The following CCDC39 variants were observed in gnomAD, a reference collection of about 807,000 sequenced individuals.
CCDC39 encodes coiled-coil domain-containing protein 39.
Under a neutral mutation model 121.0 loss-of-function variants are expected in CCDC39, and 113 were observed. The ratio of observed to expected loss-of-function variants is 0.93; its 90% CI spans 0.80 to 1.09. CCDC39 has a LOEUF of 1.09. Among genes scored for constraint, CCDC39 ranks in the 50% least tolerant of loss-of-function variants. CCDC39 has a pLI of 0.00. For missense variants in CCDC39, 1,063 were observed against 1,074.7 expected (o/e 0.99, Z 0.15); for synonymous variants, 349 against 352.2 (o/e 0.99, Z 0.10).
intron 13 of CCDC39, 119 bp downstream of exon 13, chr3:180,641,874 G>T: frequency 1.6e-6 from 1 of 612,274 alleles, no homozygotes; most frequent in Non-Finnish European, 2.7e-6. Context: ...TTTCTTATAT[G>T]AAAAGCCATT....
intron 13 of CCDC39, among the ~76,000 whole-genome samples, chr3:180,634,350 A>G (rs1560084696): frequency 6.6e-6 from 1 of 152,142 alleles, no homozygotes; most frequent in Admixed American, 6.5e-5. Flanking sequence ...ACCCAAGGAG[A>G]GGAAGCCAGT....
intron 1 of CCDC39, among the ~76,000 whole-genome samples, chr3:180,676,794 T>C (rs1193999051): frequency 1.3e-5 from 2 of 152,118 alleles, no homozygotes; most frequent in Admixed American, 6.5e-5. Context: ...ATATACACCA[T>C]GGAATACTAT....
At chr3:180,637,006 G>A (rs1411508776) in intron 13 of CCDC39, among the ~76,000 whole-genome samples, 1 of 152,108 alleles carries the variant, frequency 6.6e-6, no homozygotes, top group Non-Finnish European at 1.5e-5. Context: ...TATTATTCTG[G>A]ACAGAGGAAA....
intron 13 of CCDC39, among the ~76,000 whole-genome samples, chr3:180,641,461 T>C (rs1717953382): frequency 6.6e-6 from 1 of 152,056 alleles, no homozygotes; most frequent in South Asian, 2.1e-4. Flanking sequence ...GAAATAAAAC[T>C]GTTATTATTT....
chr3:180,667,843 T>C (rs931685342), intron 1 of CCDC39, among the ~76,000 whole-genome samples: 2 of 152,148 alleles, frequency 1.3e-5, no homozygotes, highest in African/African-American at 4.8e-5. Flanking sequence ...AAGGAAATGT[T>C]CTTGAAGAAA....
intron 19 of CCDC39, among the ~76,000 whole-genome samples, chr3:180,615,966 G>A (rs1257198924): frequency 1.3e-5 from 2 of 152,126 alleles, no homozygotes; most frequent in Non-Finnish European, 2.9e-5. Flanking sequence ...CAACTTGGGG[G>A]TTCACCCCCA....
chr3:180,620,746 A>G (rs1240782067), intron 14 of CCDC39, among the ~76,000 whole-genome samples: 1 of 152,106 alleles, frequency 6.6e-6, no homozygotes, highest in African/African-American at 2.4e-5. Context: ...AATGTAGTCA[A>G]TTAGAAATAT....
chr3:180,629,630 T>A (rs78650919), intron 14 of CCDC39, among the ~76,000 whole-genome samples: 11,705 of 152,222 alleles, frequency 0.077, 694 homozygotes, highest in African/African-American at 0.17. Flanking sequence ...AGTTATTATT[T>A]AAGTTTCATT....
chr3:180,677,193 TATATATATATATATATATATA>T, intron 1 of CCDC39, among the ~76,000 whole-genome samples: 1 of 102,864 alleles, frequency 9.7e-6, no homozygotes, highest in African/African-American at 3.5e-5. Context: ...TATATATATA[TATATATATATATATATATATA>T]TAAAATCACA....
At chr3:180,660,793 T>C in intron 3 of CCDC39, 65 bp from the exon 4 acceptor site, 2 of 1,448,812 alleles carry the variant, frequency 1.4e-6, no homozygotes, top group Non-Finnish European at 1.9e-6. Context: ...CAGACTAAAA[T>C]AAAACATACC....
At chr3:180,634,515 G>A (rs1717780317) in intron 13 of CCDC39, among the ~76,000 whole-genome samples, 1 of 152,056 alleles carries the variant, frequency 6.6e-6, no homozygotes, top group African/African-American at 2.4e-5. Context: ...GGAGACAAAA[G>A]ACCCTCAGCC....
rs948982314 is a variant in CCDC39, at chr3:180,675,396, G to A, written c.90+3895C>T. 8.6e-5 allele frequency among the ~76,000 whole-genome samples: 13 copies of A among 151,970 alleles called. No individual in the cohort carries two copies. In the South Asian group the frequency reaches 1.5e-3, roughly 17 times the overall value. On this transcript the variant is annotated intron_variant, in intron 1 of 19. Transcript: ENST00000476379. The stretch of plus-strand genomic sequence containing the variant: ...TTTCTTCTTTATTAGTCTTGCTAGC[G>A]GTCTATCAATTTTGTTGATCGTTTC...
At chr3:180,657,275 C>T (rs932087177) in intron 6 of CCDC39, among the ~76,000 whole-genome samples, 5 of 152,170 alleles carry the variant, frequency 3.3e-5, no homozygotes, top group African/African-American at 1.2e-4. Flanking sequence ...TAGCACCCTC[C>T]TTAGTCTCTG....
In CCDC39 at chr3:180,661,913, T is replaced by A. The variant is rs756072674; in HGVS notation, c.305A>T (p.Gln102Leu). 1.6e-5 allele frequency: 26 copies of A among 1,587,566 alleles called. No individual in the cohort carries two copies. The South Asian group carries it at 3.0e-4, about 18-fold the overall frequency. The change falls in exon 3 of 20, where the codon CAA becomes CTA. Residue 102 changes from glutamine to leucine, a missense_variant. Coordinates refer to ENST00000476379, the MANE Select transcript of CCDC39 (RefSeq NM_181426.2). ...TGAAGCCATCTCATTTTCCAGCCGT[T>A]GAATTTCATCTTTCACTCGTCCCAA... Reference protein sequence around the residue: ...RELGRVKDEIQRLENEMASIL... With the variant: ...RELGRVKDEILRLENEMASIL...
intron 1 of CCDC39, among the ~76,000 whole-genome samples, chr3:180,677,197 T>TATATAC (rs1553807770): frequency 2.5e-4 from 26 of 103,498 alleles, no homozygotes; most frequent in Admixed American, 2.2e-3. Flanking sequence ...TATATATATA[T>TATATAC]ATATATATAT....
rs1234981289 is a variant in CCDC39 at position 180,647,205 on chromosome 3, C to T, written c.1401G>A (p.Arg467=). 1 of 1,609,778 alleles carries T rather than the reference C, an allele frequency of 6.2e-7. No individual in the cohort carries two copies. The highest frequency in any genetic ancestry group is 1.1e-5 in the South Asian group (1 of 90,432). ...CTTCTGAATTAATTTCTCCCTTTAA[C>T]CGTGACATTCTCCGTTCCACTTGTT... ...HIQQVERRMS[R]LKGEINSEEK... Residue 467 remains arginine (R), a synonymous_variant, in exon 11 of 20, where the codon CGG becomes CGA. Transcript: ENST00000476379.
intron 16 of CCDC39, chr3:180,617,443 T>C (rs1284279990): frequency 5.8e-6 from 4 of 686,836 alleles, no homozygotes; most frequent in African/African-American, 1.8e-5. Context: ...TCAGGAGATA[T>C]TCCAGAAGAG....
At chr3:180,622,537 T>C (rs1317774542) in intron 14 of CCDC39, among the ~76,000 whole-genome samples, 1 of 152,176 alleles carries the variant, frequency 6.6e-6, no homozygotes, top group Non-Finnish European at 1.5e-5. Context: ...GATACGATGT[T>C]GGCTGTGGGT....
At chr3:180,677,168 T>TTATATA (rs58408770) in intron 1 of CCDC39, among the ~76,000 whole-genome samples, 2,134 of 34,830 alleles carry the variant, frequency 0.061, 223 homozygotes, top group Middle Eastern at 0.077. Flanking sequence ...AATAATAATT[T>TTATATA]TATATATATA....
Sources: gnomAD v4.1 joint callset for allele counts (sites outside exome capture counted in the v4.1 genomes callset) on GRCh38, gnomAD v4.1.1 for gene constraint, MANE v1.5 for transcripts, NCBI Gene and HGNC (gene_info 2026-07-23, HGNC 2026-07-21) for gene names.